Variants in CNTN4 observed in about 807,000 individuals in gnomAD.
The protein encoded by CNTN4 is contactin-4.
A neutral mutation model predicts 122.5 loss-of-function variants in CNTN4; 77 were observed. The observed-to-expected ratio is 0.63, with a 90% confidence interval of 0.52 to 0.76. The LOEUF (loss-of-function observed/expected upper bound fraction) is 0.76. CNTN4 is among the 30% of genes least tolerant of loss of function. The pLI is 0.00. For missense variants in CNTN4, 1,256 were observed against 1,259.1 expected (o/e 1.00, Z 0.04); for synonymous variants, 512 against 447.0 (o/e 1.15, Z -1.83).
intron 3 of CNTN4, 51 bp from the exon 4 acceptor site, chr3:2,571,365 A>T (rs371314379): frequency 1.3e-5 from 9 of 715,762 alleles, no homozygotes; most frequent in Admixed American, 6.3e-5. Flanking sequence ...TGCAGAGACC[A>T]CAAGGAGAAA....
At chr3:2,384,762 G>A (rs577004919) in intron 3 of CNTN4, among the ~76,000 whole-genome samples, 5 of 50,258 alleles carry the variant, frequency 9.9e-5, no homozygotes, top group Non-Finnish European at 1.4e-4. Context: ...CAATGTGTGC[G>A]TGTGTGTGTG....
intron 3 of CNTN4, among the ~76,000 whole-genome samples, chr3:2,353,910 A>G (rs150716486): frequency 1.3e-3 from 194 of 149,580 alleles, no homozygotes; most frequent in Admixed American, 2.4e-3. Flanking sequence ...AAAAAAACAA[A>G]AACAAAACAA....
intron 3 of CNTN4, among the ~76,000 whole-genome samples, chr3:2,443,477 C>T (rs1212744153): frequency 6.6e-6 from 1 of 152,194 alleles, no homozygotes; most frequent in Non-Finnish European, 1.5e-5. Context: ...GGGCGACTGC[C>T]CTTTTATTAG....
At chr3:2,230,474 A>G (rs548505953) in intron 2 of CNTN4, among the ~76,000 whole-genome samples, 1 of 152,188 alleles carries the variant, frequency 6.6e-6, no homozygotes, top group Non-Finnish European at 1.5e-5. Context: ...CATTGCCTCA[A>G]TTTGAGAGGG....
intron 13 of CNTN4, among the ~76,000 whole-genome samples, chr3:2,957,153 A>C (rs2094808136): frequency 6.6e-6 from 1 of 152,202 alleles, no homozygotes; most frequent in African/African-American, 2.4e-5. Context: ...ATATATACGC[A>C]GAAGTGGGAT....
At chr3:2,629,331 T>C (rs2082327056) in intron 4 of CNTN4, among the ~76,000 whole-genome samples, 1 of 152,090 alleles carries the variant, frequency 6.6e-6, no homozygotes, top group Admixed American at 6.6e-5. Context: ...TGTGAGAAAA[T>C]AAATTTCTGT....
chr3:2,967,896 TAAAAC>T (rs1692493884), intron 13 of CNTN4, among the ~76,000 whole-genome samples: 1 of 151,784 alleles, frequency 6.6e-6, no homozygotes, highest in South Asian at 2.1e-4. Flanking sequence ...AGATTTTACT[TAAAAC>T]AAAAGTTACA....
At chr3:2,985,969 T>C (rs1268738852) in intron 13 of CNTN4, among the ~76,000 whole-genome samples, 1 of 150,208 alleles carries the variant, frequency 6.7e-6, no homozygotes, top group African/African-American at 2.5e-5. Flanking sequence ...GGCTGGAGTG[T>C]AGTGGTGCCA....
intron 6 of CNTN4, among the ~76,000 whole-genome samples, chr3:2,767,340 T>C (rs1291548231): frequency 6.6e-6 from 1 of 152,164 alleles, no homozygotes; most frequent in African/African-American, 2.4e-5. Flanking sequence ...AGTGCACCCT[T>C]TTGATCAGAG....
rs188017996 is a variant in CNTN4 at position 2,672,125 on chromosome 3, C to A, written c.56-64090C>A. Among the ~76,000 whole-genome samples the A allele has an allele frequency of 2.8e-3, 419 of 152,304 alleles. 1 individual carries two copies. The highest frequency in any genetic ancestry group is 0.014 in the Middle Eastern group (4 of 294). On this transcript the variant is annotated intron_variant, in intron 4 of 24. Coordinates refer to ENST00000418658, the MANE Select transcript of CNTN4 (RefSeq NM_175607.3). Reference sequence around the variant, plus strand: ...CTCAAGCTGCGTGCTGGGAGAACCACCACTGTCTTCCAAGCTGTCAGACAG... The same window carrying A: ...CTCAAGCTGCGTGCTGGGAGAACCAACACTGTCTTCCAAGCTGTCAGACAG...
chr3:3,051,736 G>T (rs1160633242), intron 23 of CNTN4, among the ~76,000 whole-genome samples: 1 of 152,206 alleles, frequency 6.6e-6, no homozygotes, highest in African/African-American at 2.4e-5. Flanking sequence ...GTGTTAGAGA[G>T]ATATAAATTA....
At chr3:2,675,017 A>G (rs543835664) in intron 4 of CNTN4, among the ~76,000 whole-genome samples, 3 of 152,328 alleles carry the variant, frequency 2.0e-5, no homozygotes, top group African/African-American at 7.2e-5. Context: ...TAAGACCTCA[A>G]AAGCACAGGC....
At chr3:3,006,866 A>G (rs1696704256) in intron 14 of CNTN4, among the ~76,000 whole-genome samples, 1 of 152,310 alleles carries the variant, frequency 6.6e-6, no homozygotes, top group East Asian at 1.9e-4. Context: ...TCAAACATCT[A>G]AGAGCTCCTG....
At chr3:2,328,322 C>T (rs1254463749) in intron 2 of CNTN4, among the ~76,000 whole-genome samples, 14 of 150,282 alleles carry the variant, frequency 9.3e-5, no homozygotes, top group Admixed American at 2.7e-4. Context: ...AGGAGAATGG[C>T]GGGAACCCGG....
chr3:2,727,925 T>A (rs2088353906), intron 4 of CNTN4, among the ~76,000 whole-genome samples: 1 of 152,218 alleles, frequency 6.6e-6, no homozygotes, highest in Non-Finnish European at 1.5e-5. Context: ...ATGTTTATCC[T>A]TTAAGCAGGC....
chr3:2,683,404 G>C (rs1378257607), intron 4 of CNTN4, among the ~76,000 whole-genome samples: 1 of 151,876 alleles, frequency 6.6e-6, no homozygotes, highest in Non-Finnish European at 1.5e-5. Context: ...TGATGATGTG[G>C]TCTTCCTGAT....
chr3:2,321,433 C>T (rs1342635281), intron 2 of CNTN4, among the ~76,000 whole-genome samples: 1 of 152,054 alleles, frequency 6.6e-6, no homozygotes, highest in Non-Finnish European at 1.5e-5. Flanking sequence ...TCCAGAGTGA[C>T]CTGTACTTAG....
intron 4 of CNTN4, among the ~76,000 whole-genome samples, chr3:2,578,220 G>A (rs1021881123): frequency 6.6e-6 from 1 of 152,286 alleles, no homozygotes; most frequent in South Asian, 2.1e-4. Flanking sequence ...TGAGGCTCAG[G>A]AAGTCTCATC....
Position 2,576,607 on chromosome 3 carries a change from G to T in CNTN4, c.55+5049G>T, listed in dbSNP as rs182659942. On this transcript the variant is annotated intron_variant, in intron 4 of 24. Transcript: ENST00000418658. ...CTGTCTTCCAGGCTGAAGTGCAGTG[G>T]CACGATCTTGGCTCACTGCAACCTC... 4.5e-4 allele frequency among the ~76,000 whole-genome samples: 68 copies of T among 150,368 alleles called. 2 individuals are homozygous for T. In the East Asian group the frequency reaches 9.3e-3, roughly 20 times the overall value.
Sources: gnomAD v4.1 joint callset for allele counts (sites outside exome capture counted in the v4.1 genomes callset) on GRCh38, gnomAD v4.1.1 for gene constraint, MANE v1.5 for transcripts, NCBI Gene and HGNC (gene_info 2026-07-23, HGNC 2026-07-21) for gene names.